The following GPHN variants were observed in gnomAD, a reference collection of about 807,000 sequenced individuals.
GPHN encodes the protein gephyrin.
In GPHN, 17 loss-of-function variants were observed where a neutral mutation model predicts 95.5. The ratio of observed to expected loss-of-function variants is 0.18; its 90% CI spans 0.12 to 0.27. The LOEUF (loss-of-function observed/expected upper bound fraction) is 0.27, where lower values mean the gene tolerates loss of function less well. Ranked by LOEUF, GPHN falls within the 10% of genes least tolerant of loss-of-function variation. The pLI, the probability that GPHN is intolerant of heterozygous loss-of-function variation, is 1.00. For synonymous variants in GPHN, 320 were observed against 322.5 expected (o/e 0.99, Z 0.08); for missense variants, 660 against 978.1 (o/e 0.67, Z 4.34).
chr14:66,630,560 C>T (rs553342444), intron 1 of GPHN, among the ~76,000 whole-genome samples: 2 of 152,160 alleles, frequency 1.3e-5, no homozygotes, highest in Non-Finnish European at 2.9e-5. Context: ...GAAGCTCCAC[C>T]TCCCTGGTTC....
the GPHN span, among the ~76,000 whole-genome samples, chr14:67,213,688 G>T: frequency 6.6e-6 from 1 of 152,084 alleles, no homozygotes; most frequent in East Asian, 1.9e-4. Context: ...CCAGTAATGG[G>T]ATGGCTGGGT....
chr14:67,620,886 A>C, the GPHN span: 7 of 1,613,962 alleles, frequency 4.3e-6, no homozygotes, highest in African/African-American at 8.0e-5. Context: ...AATTTGTGTG[A>C]CTGACAGAAA....
At chr14:66,779,992 A>G (rs556131704) in intron 3 of GPHN, among the ~76,000 whole-genome samples, 2 of 152,232 alleles carry the variant, frequency 1.3e-5, no homozygotes, top group East Asian at 3.9e-4. Context: ...AAGCAGTGAC[A>G]ATGAGGCTAG....
the GPHN span, among the ~76,000 whole-genome samples, chr14:67,276,673 C>T: frequency 1.3e-5 from 2 of 152,112 alleles, no homozygotes; most frequent in African/African-American, 4.8e-5. Flanking sequence ...CTTTCTCTCC[C>T]AGTAGACTGA....
chr14:67,132,114 T>G (rs1051858754), intron 17 of GPHN, among the ~76,000 whole-genome samples: 1 of 152,142 alleles, frequency 6.6e-6, no homozygotes, highest in African/African-American at 2.4e-5. Flanking sequence ...AGCTACCTCT[T>G]TATATTAAAG....
intron 18 of GPHN, 23 bp downstream of exon 18, chr14:67,143,472 A>T (rs768079108): frequency 1.5e-6 from 2 of 1,330,396 alleles, no homozygotes; most frequent in Admixed American, 1.7e-5. Flanking sequence ...GGGCTCGTGA[A>T]AATGTATCTG....
At chr14:67,380,354 A>G in the GPHN span, among the ~76,000 whole-genome samples, 1 of 152,182 alleles carries the variant, frequency 6.6e-6, no homozygotes, top group African/African-American at 2.4e-5. Context: ...GATAGATTAT[A>G]AACTCCTTGA....
chr14:67,483,218 C>T, the GPHN span, among the ~76,000 whole-genome samples: 1 of 152,062 alleles, frequency 6.6e-6, no homozygotes, highest in Non-Finnish European at 1.5e-5. Context: ...ACCATGTTGG[C>T]CAGGCTGGTC....
chr14:66,593,200 T>C (rs1371646702), intron 1 of GPHN, among the ~76,000 whole-genome samples: 1 of 151,892 alleles, frequency 6.6e-6, no homozygotes, highest in African/African-American at 2.4e-5. Flanking sequence ...CTAATGTAGA[T>C]GACAGGTTGA....
intron 4 of GPHN, among the ~76,000 whole-genome samples, chr14:66,854,308 C>T (rs1171317765): frequency 2.0e-5 from 3 of 152,106 alleles, no homozygotes; most frequent in Non-Finnish European, 4.4e-5. Context: ...CCTTTTATCC[C>T]AAATAATGGA....
intron 1 of GPHN, among the ~76,000 whole-genome samples, chr14:66,629,135 ATATATT>A (rs1306157231): frequency 3.0e-5 from 4 of 134,378 alleles, no homozygotes; most frequent in African/African-American, 1.2e-4. Flanking sequence ...GTATATAAAT[ATATATT>A]TATATACATA....
chr14:66,709,929 A>G, intron 2 of GPHN, among the ~76,000 whole-genome samples: 1 of 143,346 alleles, frequency 7.0e-6, no homozygotes, highest in South Asian at 2.2e-4. Context: ...TGATGCCATT[A>G]AAAAAAAAAA....
the GPHN span, among the ~76,000 whole-genome samples, chr14:67,419,710 G>A: frequency 3.3e-5 from 5 of 152,254 alleles, no homozygotes; most frequent in Non-Finnish European, 7.4e-5. Flanking sequence ...TTAGCCGGGC[G>A]TGGTGGCGGG....
intron 1 of GPHN, among the ~76,000 whole-genome samples, chr14:66,661,985 C>G (rs1369042182): frequency 6.6e-6 from 1 of 152,196 alleles, no homozygotes; most frequent in Non-Finnish European, 1.5e-5. Context: ...CCAGTCACTC[C>G]CATGGATGTT....
chr14:67,178,117 G>T (rs1047857101), intron 21 of GPHN, among the ~76,000 whole-genome samples: 1 of 152,100 alleles, frequency 6.6e-6, no homozygotes, highest in African/African-American at 2.4e-5. Flanking sequence ...ATGCTAGCTG[G>T]TTATTTTGCC....
chr14:67,004,429 T>C (rs2072458772), intron 9 of GPHN, among the ~76,000 whole-genome samples: 2 of 151,782 alleles, frequency 1.3e-5, no homozygotes, highest in Non-Finnish European at 1.5e-5. Context: ...ATATAGAGAA[T>C]GTTGCAAAAA....
the GPHN span, among the ~76,000 whole-genome samples, chr14:67,456,924 T>C: frequency 6.6e-6 from 1 of 152,300 alleles, no homozygotes; most frequent in Middle Eastern, 3.4e-3. Flanking sequence ...GTGGTACATA[T>C]ATACCATAGA....
chr14:67,654,832 A>G, the GPHN span, among the ~76,000 whole-genome samples: 1 of 151,872 alleles, frequency 6.6e-6, no homozygotes. Context: ...GATCGAGACC[A>G]TCCTTGCTAA....
At chr14:66,999,227 T>C (rs1380928277) in intron 9 of GPHN, among the ~76,000 whole-genome samples, 4 of 151,940 alleles carry the variant, frequency 2.6e-5, no homozygotes, top group African/African-American at 9.7e-5. Context: ...GTTGATTATA[T>C]AGTTTGGGGT....
Sources: allele counts gnomAD v4.1 joint callset (sites outside exome capture counted in the v4.1 genomes callset), GRCh38; gene constraint gnomAD v4.1.1; transcripts MANE v1.5; gene names NCBI Gene and HGNC (gene_info 2026-07-23, HGNC 2026-07-21).